The following NCKAP5 variants were observed in gnomAD, a reference collection of about 807,000 sequenced individuals.
NCKAP5 encodes the protein NCK associated protein 5, also known as nck-associated protein 5.
In NCKAP5, 92 loss-of-function variants were observed where a neutral mutation model predicts 167.0. The observed-to-expected ratio is 0.55, with a 90% CI of 0.47 to 0.66. The LOEUF (loss-of-function observed/expected upper bound fraction) is 0.66, where lower values mean the gene tolerates loss of function less well. Among genes scored for constraint, NCKAP5 ranks in the 30% least tolerant of loss-of-function variants. NCKAP5 has a pLI of 0.00. For synonymous variants in NCKAP5, 891 were observed against 877.4 expected, an observed-to-expected ratio of 1.02 and a Z score of -0.27; for missense variants, 2,378 against 2,315.0, an observed-to-expected ratio of 1.03 and a Z score of -0.56.
the NCKAP5 span, among the ~76,000 whole-genome samples, chr2:133,666,409 G>T: frequency 6.6e-6 from 1 of 151,666 alleles, no homozygotes; most frequent in Non-Finnish European, 1.5e-5. Context: ...TGTTGGCCAG[G>T]CTGGTCTCAA....
chr2:133,436,990 G>A (rs539043371), intron 3 of NCKAP5, among the ~76,000 whole-genome samples: 10 of 152,198 alleles, frequency 6.6e-5, no homozygotes, highest in African/African-American at 2.2e-4. Context: ...TAACATTGTC[G>A]TATTTTTCAT....
chr2:133,616,610 T>C, the NCKAP5 span, among the ~76,000 whole-genome samples: 2 of 152,034 alleles, frequency 1.3e-5, no homozygotes, highest in Non-Finnish European at 2.9e-5. Flanking sequence ...AGGAAGAAGT[T>C]GAATCTCTGA....
intron 6 of NCKAP5, among the ~76,000 whole-genome samples, chr2:133,065,620 T>C (rs536992126): frequency 6.6e-6 from 1 of 152,262 alleles, no homozygotes; most frequent in South Asian, 2.1e-4. Flanking sequence ...CGAGACTCTA[T>C]CTTAAAAATT....
chr2:132,736,741 C>T (rs1276546107), intron 16 of NCKAP5, among the ~76,000 whole-genome samples: 2 of 152,034 alleles, frequency 1.3e-5, no homozygotes, highest in South Asian at 2.1e-4. Context: ...GAGCCGAGAT[C>T]GCACCACTGC....
intron 3 of NCKAP5, among the ~76,000 whole-genome samples, chr2:133,309,384 G>C (rs1304615350): frequency 6.6e-6 from 1 of 152,088 alleles, no homozygotes; most frequent in Non-Finnish European, 1.5e-5. Context: ...TCTAAAGCTA[G>C]GCTCATGTTT....
chr2:133,260,107 G>A (rs189225097), intron 4 of NCKAP5, among the ~76,000 whole-genome samples: 11 of 152,284 alleles, frequency 7.2e-5, no homozygotes, highest in South Asian at 2.1e-4. Flanking sequence ...AGCCATAAGT[G>A]GGCAGATGCA....
intron 18 of NCKAP5, 56 bp from the exon 19 acceptor site, chr2:132,725,815 A>G: frequency 6.3e-7 from 1 of 1,577,364 alleles, no homozygotes; most frequent in Non-Finnish European, 8.7e-7. Context: ...AATGAGGCAG[A>G]GCATCCTGTG....
chr2:132,702,998 G>A, intron 19 of NCKAP5, among the ~76,000 whole-genome samples: 1 of 152,120 alleles, frequency 6.6e-6, no homozygotes, highest in East Asian at 1.9e-4. Flanking sequence ...GGGCAATATA[G>A]TGAGACCCTG....
intron 6 of NCKAP5, among the ~76,000 whole-genome samples, chr2:133,128,805 C>T (rs2082489914): frequency 6.6e-6 from 1 of 152,060 alleles, no homozygotes; most frequent in Non-Finnish European, 1.5e-5. Flanking sequence ...GCCATGTTGG[C>T]CAGGCTGGTC....
chr2:132,975,736 T>C (rs905863913), intron 7 of NCKAP5, among the ~76,000 whole-genome samples: 1 of 151,382 alleles, frequency 6.6e-6, no homozygotes, highest in African/African-American at 2.4e-5. Context: ...GCCATGTAGA[T>C]AGGGAATTTC....
intron 3 of NCKAP5, among the ~76,000 whole-genome samples, chr2:133,363,637 T>C (rs528221463): frequency 6.6e-4 from 100 of 152,290 alleles, no homozygotes; most frequent in African/African-American, 2.3e-3. Context: ...TGTACAGAGA[T>C]AAGGCATGTC....
intron 3 of NCKAP5, among the ~76,000 whole-genome samples, chr2:133,379,589 C>T (rs1383664136): frequency 1.3e-5 from 2 of 152,328 alleles, no homozygotes; most frequent in East Asian, 3.9e-4. Context: ...GAATTGTCAG[C>T]TCCATGTGGA....
At chr2:133,081,006 G>A (rs2080784913) in intron 6 of NCKAP5, among the ~76,000 whole-genome samples, 1 of 152,028 alleles carries the variant, frequency 6.6e-6, no homozygotes, top group African/African-American at 2.4e-5. Flanking sequence ...CAAAGAAGTG[G>A]GGCTCTGCAC....
intron 19 of NCKAP5, among the ~76,000 whole-genome samples, chr2:132,697,261 C>CTAT (rs1687430166): frequency 4.6e-5 from 7 of 152,230 alleles, no homozygotes; most frequent in Non-Finnish European, 7.3e-5. Flanking sequence ...GGCTTCCTGT[C>CTAT]AGGACAGTGC....
chr2:133,623,632 T>TA, the NCKAP5 span, among the ~76,000 whole-genome samples: 2,969 of 122,278 alleles, frequency 0.024, 75 homozygotes, highest in African/African-American at 0.071. Context: ...ATGACCACAA[T>TA]AAAAAAAAAA....
chr2:133,148,010 CA>C (rs1465773096), intron 5 of NCKAP5, among the ~76,000 whole-genome samples: 1 of 151,966 alleles, frequency 6.6e-6, no homozygotes, highest in East Asian at 1.9e-4. Context: ...AATAAATTTG[CA>C]AATGTAATTG....
Position 132,856,454 on chromosome 2 carries a change from A to T in NCKAP5, c.807+4038T>A, listed in dbSNP as rs1689479818. 3.3e-5 allele frequency among the ~76,000 whole-genome samples: 5 copies of T among 152,176 alleles called. No individual in the cohort carries two copies. The South Asian group carries it at 1.0e-3, about 31-fold the overall frequency. ...CTAAGAAGTAACAGCAAATTTTTGCACCTTGGTTCTAAGCTGTCAGATCCT... is the reference window on the plus strand; with the variant it reads ...CTAAGAAGTAACAGCAAATTTTTGCTCCTTGGTTCTAAGCTGTCAGATCCT... On this transcript the variant is annotated intron_variant, in intron 11 of 19. Transcript: ENST00000409261.
chr2:133,343,755 C>T (rs1015995849), intron 3 of NCKAP5, among the ~76,000 whole-genome samples: 1 of 152,196 alleles, frequency 6.6e-6, no homozygotes, highest in African/African-American at 2.4e-5. Flanking sequence ...GGGAGTCAGA[C>T]CCAAACATAC....
chr2:133,485,676 G>A (rs972422551), intron 3 of NCKAP5, among the ~76,000 whole-genome samples: 3 of 152,122 alleles, frequency 2.0e-5, no homozygotes, highest in African/African-American at 7.2e-5. Flanking sequence ...TCACCCAAGT[G>A]TGTGTTGGTT....
Sources: allele counts gnomAD v4.1 joint callset (sites outside exome capture counted in the v4.1 genomes callset), GRCh38; gene constraint gnomAD v4.1.1; transcripts MANE v1.5; gene names NCBI Gene and HGNC (gene_info 2026-07-23, HGNC 2026-07-21).